Variants in NELL1 observed in about 807,000 individuals in gnomAD.
NELL1 encodes the protein protein kinase C-binding protein NELL1.
NELL1 carries 76 observed loss-of-function variants against 107.4 expected under a neutral mutation model. That is an observed-to-expected ratio of 0.71 (90% CI 0.59 to 0.86). The LOEUF is 0.86. NELL1 is among the 40% of genes least tolerant of loss of function. The pLI, the probability that NELL1 is intolerant of heterozygous loss-of-function variation, is 0.00. For synonymous variants in NELL1, 353 were observed against 341.2 expected, an observed-to-expected ratio of 1.03 and a Z score of -0.38; for missense variants, 1,024 against 1,005.5, an observed-to-expected ratio of 1.02 and a Z score of -0.25.
chr11:21,277,229 G>C (rs1221051348), intron 14 of NELL1, among the ~76,000 whole-genome samples: 2 of 152,210 alleles, frequency 1.3e-5, no homozygotes, highest in African/African-American at 4.8e-5. Context: ...CCATCAAAAA[G>C]TGGGTGAAGG....
At position 21,478,727 on chromosome 11, in the gene NELL1, A is replaced by C. The variant is rs561443833; in HGVS notation, c.1646-55647A>C. On this transcript the variant is annotated intron_variant, in intron 15 of 19. Coordinates refer to ENST00000357134, the MANE Select transcript of NELL1 (RefSeq NM_006157.5). ...AAAAAGGACTTTTGCACAGCAAAGG[A>C]AACAGTCAACAAAGTGAATAGGGAA... Among the ~76,000 whole-genome samples, 3 of 152,124 alleles carry C rather than the reference A, an allele frequency of 2.0e-5. No individual in the cohort carries two copies. The South Asian group carries it at 6.2e-4, about 32-fold the overall frequency.
chr11:21,007,131 C>T (rs934540144), intron 12 of NELL1, among the ~76,000 whole-genome samples: 3 of 152,082 alleles, frequency 2.0e-5, no homozygotes, highest in African/African-American at 7.2e-5. Flanking sequence ...ACTTAATCCT[C>T]CATCCTGTCT....
intron 12 of NELL1, among the ~76,000 whole-genome samples, chr11:21,047,326 G>A (rs914160534): frequency 7.9e-5 from 12 of 151,848 alleles, no homozygotes; most frequent in East Asian, 5.8e-4. Flanking sequence ...GCATCCCCCC[G>A]TTTTTTTGTT....
chr11:20,822,686 T>C (rs1857784687), intron 3 of NELL1, among the ~76,000 whole-genome samples: 1 of 152,170 alleles, frequency 6.6e-6, no homozygotes, highest in Admixed American at 6.5e-5. Context: ...TAGGTGAGTC[T>C]TGAAGAGTGG....
chr11:21,224,157 C>T (rs1053635694), intron 13 of NELL1, among the ~76,000 whole-genome samples: 2 of 152,094 alleles, frequency 1.3e-5, no homozygotes, highest in African/African-American at 4.8e-5. Context: ...TCTTGGGTTA[C>T]ATTTATTTGG....
intron 5 of NELL1, among the ~76,000 whole-genome samples, chr11:20,916,519 A>C (rs1244775679): frequency 6.6e-6 from 1 of 151,884 alleles, no homozygotes; most frequent in Non-Finnish European, 1.5e-5. Flanking sequence ...GATTCTGGGT[A>C]CCCTTTTCCA....
At chr11:21,236,191 G>T (rs993439903) in intron 14 of NELL1, among the ~76,000 whole-genome samples, 1 of 152,032 alleles carries the variant, frequency 6.6e-6, no homozygotes, top group Admixed American at 6.6e-5. Context: ...ATTTTTCCTT[G>T]ATCTTCTGAG....
At chr11:21,224,873 T>C (rs1015973869) in intron 13 of NELL1, among the ~76,000 whole-genome samples, 1 of 152,206 alleles carries the variant, frequency 6.6e-6, no homozygotes, top group Admixed American at 6.5e-5. Flanking sequence ...TTTTTCTGAT[T>C]TTGTTGAAAT....
intron 12 of NELL1, among the ~76,000 whole-genome samples, chr11:20,965,074 C>G (rs145401214): frequency 1.5e-3 from 221 of 152,148 alleles, no homozygotes; most frequent in African/African-American, 5.0e-3. Flanking sequence ...AGAAGGATAC[C>G]AAAATTCAGA....
chr11:20,975,712 ATAT>A (rs1275748270), intron 12 of NELL1, among the ~76,000 whole-genome samples: 16 of 106,774 alleles, frequency 1.5e-4, no homozygotes, highest in Admixed American at 1.3e-3. Flanking sequence ...TATAATATAC[ATAT>A]TATATATGTA....
chr11:20,978,397 G>A (rs10833421), intron 12 of NELL1, among the ~76,000 whole-genome samples: 20,047 of 151,732 alleles, frequency 0.13, 1,539 homozygotes, highest in East Asian at 0.25. Flanking sequence ...TAAATGACAT[G>A]CCTTCAATCC....
At chr11:21,366,886 A>C (rs912801456) in intron 14 of NELL1, among the ~76,000 whole-genome samples, 4 of 152,134 alleles carry the variant, frequency 2.6e-5, no homozygotes, top group African/African-American at 9.7e-5. Flanking sequence ...GATTATGAGA[A>C]GTGTTTAGAA....
In NELL1 at chr11:20,879,285, C is replaced by A. The variant is rs139554969; in HGVS notation, c.507-6159C>A. ...TGAGGAATGCGTCTGAATGGATCGT[C>A]CAAATGGGGAGGTTCTGAGAGACCA... On this transcript the variant is annotated intron_variant, in intron 4 of 19. Coordinates refer to ENST00000357134, the MANE Select transcript of NELL1 (RefSeq NM_006157.5). Among the ~76,000 whole-genome samples the A allele has an allele frequency of 3.0e-3, 459 of 152,074 alleles. 3 individuals carry two copies. Among genetic ancestry groups the A allele is most frequent in the Non-Finnish European group, 4.1e-3 (282 of 68,006 alleles).
At chr11:21,568,560 A>G (rs1035458998) in intron 17 of NELL1, among the ~76,000 whole-genome samples, 3 of 151,878 alleles carry the variant, frequency 2.0e-5, no homozygotes, top group Non-Finnish European at 4.4e-5. Flanking sequence ...TTAGTTTAAA[A>G]CACAAACACA....
intron 15 of NELL1, among the ~76,000 whole-genome samples, chr11:21,452,495 C>A (rs1210707756): frequency 6.6e-6 from 1 of 151,762 alleles, no homozygotes; most frequent in Non-Finnish European, 1.5e-5. Context: ...TATTATATTC[C>A]CTGATTATTC....
At chr11:21,093,374 C>G (rs899973616) in intron 12 of NELL1, among the ~76,000 whole-genome samples, 5 of 152,082 alleles carry the variant, frequency 3.3e-5, no homozygotes, top group African/African-American at 1.2e-4. Flanking sequence ...TATCATGATG[C>G]AGTCACTACT....
rs181332124 is a variant in NELL1 at position 21,437,182 on chromosome 11, A to G, written c.1645+66234A>G. 2.6e-5 allele frequency among the ~76,000 whole-genome samples: 4 copies of G among 152,196 alleles called. No individual in the cohort carries two copies. The East Asian group carries it at 7.7e-4, about 29-fold the overall frequency. ...ATTTCTTGGATGATTTTTCATCTAG[A>G]TGGTCTGCCCAATGATCAAAGTGGA... On this transcript the variant is annotated intron_variant, in intron 15 of 19. Coordinates refer to ENST00000357134, the MANE Select transcript of NELL1 (RefSeq NM_006157.5).
At chr11:21,325,438 T>C (rs767092808) in intron 14 of NELL1, among the ~76,000 whole-genome samples, 11 of 152,168 alleles carry the variant, frequency 7.2e-5, no homozygotes, top group African/African-American at 1.9e-4. Context: ...TTTAGTTTCT[T>C]ACCAGTGTGG....
intron 3 of NELL1, among the ~76,000 whole-genome samples, chr11:20,834,630 G>A (rs2134041324): frequency 6.6e-6 from 1 of 151,944 alleles, no homozygotes; most frequent in South Asian, 2.1e-4. Context: ...GTGAACCCAG[G>A]AGGCAGAGTT....
Sources: gnomAD v4.1 joint callset for allele counts (sites outside exome capture counted in the v4.1 genomes callset) on GRCh38, gnomAD v4.1.1 for gene constraint, MANE v1.5 for transcripts, NCBI Gene and HGNC (gene_info 2026-07-23, HGNC 2026-07-21) for gene names.